TENM3: variants seen among roughly 807,000 people sequenced by gnomAD.
TENM3 encodes the protein teneurin transmembrane protein 3.
TENM3 carries 63 observed loss-of-function variants against 255.1 expected under a neutral mutation model. The observed-to-expected ratio is 0.25, with a 90% confidence interval of 0.20 to 0.30. The LOEUF (loss-of-function observed/expected upper bound fraction) is 0.30, where lower values mean the gene tolerates loss of function less well. Ranked by LOEUF, TENM3 falls within the 10% of genes least tolerant of loss-of-function variation. The pLI, the probability that TENM3 is intolerant of heterozygous loss-of-function variation, is 1.00. For missense variants in TENM3, 2,929 were observed against 3,461.1 expected, an observed-to-expected ratio of 0.85 and a Z score of 3.86; for synonymous variants, 1,306 against 1,322.3, an observed-to-expected ratio of 0.99 and a Z score of 0.27.
At chr4:182,643,187 A>AT (rs1213295579) in intron 5 of TENM3, among the ~76,000 whole-genome samples, 1 of 152,142 alleles carries the variant, frequency 6.6e-6, no homozygotes, top group East Asian at 1.9e-4. Flanking sequence ...TATTTTTCTT[A>AT]TTTTTTTCTG....
At chr4:182,177,965 T>TG (rs1561170817) in intron 1 of TENM3, among the ~76,000 whole-genome samples, 1 of 139,264 alleles carries the variant, frequency 7.2e-6, no homozygotes, top group Non-Finnish European at 1.6e-5. Flanking sequence ...TTTGTTTTTT[T>TG]TTTTTTTTTT....
the TENM3 span, among the ~76,000 whole-genome samples, chr4:181,624,045 T>G: frequency 6.6e-6 from 1 of 152,302 alleles, no homozygotes; most frequent in South Asian, 2.1e-4. Context: ...CTGAGCAAAT[T>G]TGTTGGGTGT....
At chr4:182,219,776 T>C (rs1253393172) in intron 1 of TENM3, among the ~76,000 whole-genome samples, 1 of 152,218 alleles carries the variant, frequency 6.6e-6, no homozygotes, top group Non-Finnish European at 1.5e-5. Context: ...CAGTTTACAT[T>C]GCAAACTCAT....
At chr4:182,644,247 G>C (rs956210308) in intron 5 of TENM3, among the ~76,000 whole-genome samples, 4 of 152,128 alleles carry the variant, frequency 2.6e-5, no homozygotes, top group Non-Finnish European at 5.9e-5. Flanking sequence ...GCAGGATCTG[G>C]GGACTCAAGC....
At chr4:182,748,842 T>G (rs1265757841) in intron 19 of TENM3, among the ~76,000 whole-genome samples, 2 of 152,232 alleles carry the variant, frequency 1.3e-5, no homozygotes, top group Non-Finnish European at 2.9e-5. Flanking sequence ...AATAGAGTTG[T>G]GTCCAAAAGT....
chr4:181,721,387 G>A, the TENM3 span, among the ~76,000 whole-genome samples: 1 of 151,522 alleles, frequency 6.6e-6, no homozygotes, highest in African/African-American at 2.4e-5. Context: ...CAGTCGTATA[G>A]AAGTGGAGTG....
At chr4:181,611,196 A>G in the TENM3 span, among the ~76,000 whole-genome samples, 4 of 152,248 alleles carry the variant, frequency 2.6e-5, no homozygotes, top group Non-Finnish European at 5.9e-5. Context: ...GGGAGAGCCC[A>G]GACGTTTCTG....
the TENM3 span, among the ~76,000 whole-genome samples, chr4:181,475,869 G>T: frequency 2.0e-5 from 3 of 152,182 alleles, no homozygotes; most frequent in Non-Finnish European, 4.4e-5. Context: ...TTCTACCCCC[G>T]CAAAGCTTGA....
At chr4:181,558,244 A>G in the TENM3 span, among the ~76,000 whole-genome samples, 2 of 152,204 alleles carry the variant, frequency 1.3e-5, no homozygotes, top group Admixed American at 1.3e-4. Context: ...TCCATGCCAA[A>G]AATTTGTCAA....
chr4:182,725,731 G>A (rs546994250), intron 13 of TENM3, among the ~76,000 whole-genome samples: 1 of 151,006 alleles, frequency 6.6e-6, no homozygotes, highest in Non-Finnish European at 1.5e-5. Context: ...CACCTCCTGG[G>A]TTCAAGCAAT....
the TENM3 span, among the ~76,000 whole-genome samples, chr4:181,486,129 A>G: frequency 1.3e-5 from 2 of 152,152 alleles, 1 homozygote; most frequent in South Asian, 4.1e-4. Context: ...ACACTTCACC[A>G]CCTTGACAAT....
chr4:182,448,283 C>A (rs2309659), intron 3 of TENM3, among the ~76,000 whole-genome samples: 126,942 of 152,174 alleles, frequency 0.83, 53,614 homozygotes, highest in South Asian at 0.91. Context: ...GGGGCGAGCG[C>A]GGGCTGAGCT....
chr4:182,058,081 A>G, the TENM3 span, among the ~76,000 whole-genome samples: 1 of 149,350 alleles, frequency 6.7e-6, no homozygotes, highest in African/African-American at 2.4e-5. Context: ...AGGTTTTGCT[A>G]ATTCTTAATT....
chr4:182,572,437 T>G (rs938544860), intron 3 of TENM3, among the ~76,000 whole-genome samples: 3 of 152,246 alleles, frequency 2.0e-5, no homozygotes, highest in Admixed American at 2.0e-4. Flanking sequence ...TTTAGTTTAC[T>G]GAGTCACTTA....
At chr4:182,375,849 C>A (rs1012270385) in intron 3 of TENM3, among the ~76,000 whole-genome samples, 3 of 152,094 alleles carry the variant, frequency 2.0e-5, no homozygotes, top group African/African-American at 7.2e-5. Flanking sequence ...CGGCTGGGAA[C>A]CGCATGTTGT....
At chr4:182,686,556 G>A (rs576976009) in intron 11 of TENM3, among the ~76,000 whole-genome samples, 14 of 152,168 alleles carry the variant, frequency 9.2e-5, no homozygotes, top group Admixed American at 3.3e-4. Context: ...CTTTACACCC[G>A]AAGAAACATT....
the TENM3 span, among the ~76,000 whole-genome samples, chr4:182,009,498 C>T: frequency 6.6e-6 from 1 of 152,174 alleles, no homozygotes; most frequent in African/African-American, 2.4e-5. Flanking sequence ...TGAAGATGCA[C>T]TCTGGCCACA....
At chr4:182,301,232 C>T (rs1561297390) in intron 1 of TENM3, among the ~76,000 whole-genome samples, 1 of 152,228 alleles carries the variant, frequency 6.6e-6, no homozygotes, top group Non-Finnish European at 1.5e-5. Flanking sequence ...AAAGCTTACA[C>T]TGTTCCATCA....
chr4:181,525,021 G>A, the TENM3 span, among the ~76,000 whole-genome samples: 2 of 152,116 alleles, frequency 1.3e-5, no homozygotes, highest in African/African-American at 4.8e-5. Flanking sequence ...GACATTTATG[G>A]TTCAAACATG....
Sources: allele counts gnomAD v4.1 joint callset (sites outside exome capture counted in the v4.1 genomes callset), GRCh38; gene constraint gnomAD v4.1.1; transcripts MANE v1.5; gene names NCBI Gene and HGNC (gene_info 2026-07-23, HGNC 2026-07-21).